The following ATP8A1 variants were observed in gnomAD, a reference collection of about 807,000 sequenced individuals.
The protein encoded by ATP8A1 is ATPase phospholipid transporting 8A1, also known as phospholipid-transporting ATPase IA.
In ATP8A1, 90 loss-of-function variants were observed where a neutral mutation model predicts 177.7. That is an observed-to-expected ratio of 0.51 (90% CI 0.43 to 0.60). ATP8A1 has a LOEUF of 0.60. Ranked by LOEUF, ATP8A1 falls within the 20% of genes least tolerant of loss-of-function variation. The pLI, the probability that ATP8A1 is intolerant of heterozygous loss-of-function variation, is 0.00. For missense variants in ATP8A1, 1,072 were observed against 1,392.8 expected, an observed-to-expected ratio of 0.77 and a Z score of 3.67; for synonymous variants, 493 against 485.9, an observed-to-expected ratio of 1.01 and a Z score of -0.19.
At chr4:42,462,036 A>C (rs1195322926) in intron 27 of ATP8A1, among the ~76,000 whole-genome samples, 1 of 152,204 alleles carries the variant, frequency 6.6e-6, no homozygotes, top group Non-Finnish European at 1.5e-5. Context: ...GAAGTTTCTA[A>C]GCAGCAAAGC....
Position 42,581,629 on chromosome 4 carries a change from G to T in ATP8A1, c.826C>A (p.Leu276Met). 2 of 1,613,030 alleles carry T rather than the reference G, an allele frequency of 1.2e-6. No homozygotes were observed. The highest frequency in any genetic ancestry group is 1.7e-6 in the Non-Finnish European group (2 of 1,179,014). The change falls in exon 10 of 37, where the codon CTG (leucine) becomes ATG (methionine). Residue 276 changes from leucine to methionine, a missense_variant. By Grantham distance (15) the Leu-to-Met change is conservative. Around this residue, in one of 5 missense-constraint regions of ATP8A1, gnomAD observed 344 missense variants for 393.5 expected, o/e 0.87. Transcript: ENST00000381668. ...ATAGAGAAAAATTTCACCTGCATCA[G>T]CTTGGTGTCATGTCCAGTGTAGACA... ...IVVYTGHDTK[L>M]MQNSTSPPLK...
In ATP8A1 at chr4:42,470,833, A is replaced by T. The variant is rs115201259; in HGVS notation, c.2325-5757T>A. On this transcript the variant is annotated intron_variant, in intron 25 of 36. Transcript: ENST00000381668. ...AGGTCTGCTCCAGGTGCCTATTTAG[A>T]GGTCAGAATCATTAGTGAGGGGATC... Among the ~76,000 whole-genome samples the T allele has an allele frequency of 1.2e-3, 185 of 152,312 alleles. 1 individual carries two copies. The highest frequency in any genetic ancestry group is 4.3e-3 in the African/African-American group (177 of 41,566).
Position 42,579,795 on chromosome 4 carries a change from A to G in ATP8A1, c.1000+18T>C, listed in dbSNP as rs1732843002. The G allele has an allele frequency of 4.4e-6, 7 of 1,596,052 alleles. No individual in the cohort carries two copies. The highest frequency in any genetic ancestry group is 1.7e-4 in the Middle Eastern group (1 of 6,028). ...ATGTCTTAATCTAAAAAAGTGCAGTAAGCACTTTATTGCTTACAGTTTAGA... is the reference window on the plus strand; with the variant it reads ...ATGTCTTAATCTAAAAAAGTGCAGTGAGCACTTTATTGCTTACAGTTTAGA... On this transcript the variant is annotated intron_variant, in intron 11 of 36. Transcript: ENST00000381668.
chr4:42,605,186 T>A (rs1330585399), intron 5 of ATP8A1, among the ~76,000 whole-genome samples: 1 of 152,266 alleles, frequency 6.6e-6, no homozygotes, highest in East Asian at 1.9e-4. Flanking sequence ...TATAACTGAA[T>A]TAAAAAATAG....
chr4:42,544,173 T>C lies in ATP8A1; in HGVS notation c.1653-187A>G, dbSNP rs186789566. On this transcript the variant is annotated intron_variant, in intron 19 of 36. Coordinates refer to ENST00000381668, the MANE Select transcript of ATP8A1 (RefSeq NM_006095.2). Reference sequence around the variant, plus strand: ...CTGGGCACCTGTAAAAGTTACATTATGCTTTTAAGGCACCAGGGTACCATC... The same window carrying C: ...CTGGGCACCTGTAAAAGTTACATTACGCTTTTAAGGCACCAGGGTACCATC... 7.2e-5 allele frequency among the ~76,000 whole-genome samples: 11 copies of C among 152,058 alleles called. No homozygotes were observed. The East Asian group carries it at 1.4e-3, about 19-fold the overall frequency.
At chr4:42,570,233 T>A (rs1731769476) in intron 14 of ATP8A1, among the ~76,000 whole-genome samples, 1 of 152,208 alleles carries the variant, frequency 6.6e-6, no homozygotes, top group Non-Finnish European at 1.5e-5. Flanking sequence ...CCAATCACAA[T>A]GGAGGTGGTC....
chr4:42,482,868 A>T (rs147171039), intron 25 of ATP8A1, among the ~76,000 whole-genome samples: 2 of 152,348 alleles, frequency 1.3e-5, no homozygotes, highest in African/African-American at 2.4e-5. Context: ...CAAGCAGTAG[A>T]TTGGAAAATA....
chr4:42,535,419 C>G (rs887652469), intron 20 of ATP8A1, among the ~76,000 whole-genome samples: 1 of 152,028 alleles, frequency 6.6e-6, no homozygotes, highest in African/African-American at 2.4e-5. Flanking sequence ...TATCACAATC[C>G]TAAATATATA....
intron 24 of ATP8A1, among the ~76,000 whole-genome samples, chr4:42,491,568 T>G (rs1722745415): frequency 6.6e-6 from 1 of 152,188 alleles, no homozygotes; most frequent in Non-Finnish European, 1.5e-5. Flanking sequence ...GAGGGTGCCC[T>G]AGACAATGAA....
chr4:42,641,422 T>C (rs572739663), intron 1 of ATP8A1, among the ~76,000 whole-genome samples: 8 of 152,260 alleles, frequency 5.3e-5, no homozygotes, highest in African/African-American at 1.9e-4. Flanking sequence ...ATTCAAGCCA[T>C]ATCAGTTACT....
chr4:42,412,940 C>A lies in ATP8A1; in HGVS notation c.3471G>T (p.Thr1157=). The change falls in exon 37 of 37, where the codon ACG becomes ACT. Residue 1157 remains threonine (T), a synonymous_variant. Coordinates refer to ENST00000381668, the MANE Select transcript of ATP8A1 (RefSeq NM_006095.2). Reference sequence around the variant, plus strand: ...ATCACCATTCGTCGGGCCTCTGTTTCGTGGTATCATATGCTCTTATCACTT... The same window carrying A: ...ATCACCATTCGTCGGGCCTCTGTTTAGTGGTATCATATGCTCTTATCACTT... ...QSEVIRAYDT[T]KQRPDEW 6.2e-7 allele frequency: 1 copy of A among 1,613,474 alleles called. No homozygotes were observed. The highest frequency in any genetic ancestry group is 8.5e-7 in the Non-Finnish European group (1 of 1,179,590).
intron 14 of ATP8A1, 103 bp from the exon 15 acceptor site, chr4:42,569,308 G>A: frequency 3.7e-6 from 3 of 803,796 alleles, no homozygotes; most frequent in Non-Finnish European, 3.8e-6. Context: ...ATGGATCACT[G>A]AAAAGTTAAC....
chr4:42,589,649 AT>A (rs1733960684), intron 7 of ATP8A1, among the ~76,000 whole-genome samples: 1 of 152,162 alleles, frequency 6.6e-6, no homozygotes, highest in South Asian at 2.1e-4. Context: ...CTTATTCAAA[AT>A]TTTATTTTTA....
chr4:42,451,055 A>G (rs1717879760), intron 30 of ATP8A1, among the ~76,000 whole-genome samples: 2 of 152,080 alleles, frequency 1.3e-5, no homozygotes, highest in Non-Finnish European at 2.9e-5. Flanking sequence ...AAGAATGGGG[A>G]ACAATTTGGA....
intron 19 of ATP8A1, among the ~76,000 whole-genome samples, chr4:42,546,074 A>G (rs1728887477): frequency 1.3e-5 from 2 of 152,090 alleles, no homozygotes; most frequent in African/African-American, 4.8e-5. Flanking sequence ...ATGATGGAAG[A>G]AACATTTTCC....
intron 27 of ATP8A1, among the ~76,000 whole-genome samples, chr4:42,461,243 T>TA (rs1719096239): frequency 2.1e-5 from 1 of 47,804 alleles, no homozygotes. Context: ...ATCAATTTTT[T>TA]CTTTCTTTTT....
intron 15 of ATP8A1, among the ~76,000 whole-genome samples, chr4:42,565,763 T>C (rs17447702): frequency 0.022 from 3,368 of 152,320 alleles, 59 homozygotes; most frequent in South Asian, 0.063. Flanking sequence ...TCTGCTTTTG[T>C]TCATGCTTAA....
rs1347710099 is a variant in ATP8A1, at chr4:42,492,737, T to C, written c.2152-7069A>G. On this transcript the variant is annotated intron_variant, in intron 24 of 36. Coordinates refer to ENST00000381668, the MANE Select transcript of ATP8A1 (RefSeq NM_006095.2). ...TTTCGTTATTCTTGGATTTGTTATTTTTCTTCATGAGTTCACCACCAGTTA... is the reference window on the plus strand; with the variant it reads ...TTTCGTTATTCTTGGATTTGTTATTCTTCTTCATGAGTTCACCACCAGTTA... 3.3e-5 allele frequency among the ~76,000 whole-genome samples: 5 copies of C among 152,222 alleles called. No individual in the cohort carries two copies. In the East Asian group the frequency reaches 9.6e-4, roughly 29 times the overall value.
intron 22 of ATP8A1, among the ~76,000 whole-genome samples, chr4:42,507,556 C>T (rs975245852): frequency 2.7e-4 from 41 of 151,480 alleles, no homozygotes; most frequent in African/African-American, 7.3e-4. Flanking sequence ...GGTGAAACCA[C>T]GTCTCCACTA....
Sources: allele counts gnomAD v4.1 joint callset (sites outside exome capture counted in the v4.1 genomes callset), GRCh38; gene constraint gnomAD v4.1.1; regional missense constraint gnomAD v4.1.1; transcripts MANE v1.5; gene names NCBI Gene and HGNC (gene_info 2026-07-23, HGNC 2026-07-21).